The following ANAPC10 variants were observed in gnomAD, a reference collection of about 807,000 sequenced individuals.
ANAPC10 encodes anaphase promoting complex subunit 10, also known as anaphase-promoting complex subunit 10.
In ANAPC10, 12 loss-of-function variants were observed where a neutral mutation model predicts 22.0. The ratio of observed to expected loss-of-function variants is 0.55; its 90% CI spans 0.35 to 0.88. ANAPC10 has a LOEUF of 0.88. Ranked by LOEUF, ANAPC10 falls within the 40% of genes least tolerant of loss-of-function variation. The pLI is 0.01. For synonymous variants in ANAPC10, 65 were observed against 69.5 expected, an observed-to-expected ratio of 0.94 and a Z score of 0.32; for missense variants, 188 against 220.9, an observed-to-expected ratio of 0.85 and a Z score of 0.94.
chr4:145,095,245 T>C (rs988373690), intron 2 of ANAPC10, among the ~76,000 whole-genome samples: 2 of 152,202 alleles, frequency 1.3e-5, no homozygotes, highest in African/African-American at 4.8e-5. Flanking sequence ...TCAATCATGG[T>C]TCAAAATATT....
At chr4:145,008,298 T>A (rs780337564) in intron 4 of ANAPC10, among the ~76,000 whole-genome samples, 1 of 151,968 alleles carries the variant, frequency 6.6e-6, no homozygotes, top group African/African-American at 2.4e-5. Context: ...ACTATTCCAA[T>A]CAATAGAAAA....
chr4:145,007,427 A>G (rs1291709203), intron 4 of ANAPC10, among the ~76,000 whole-genome samples: 1 of 151,154 alleles, frequency 6.6e-6, no homozygotes, highest in Non-Finnish European at 1.5e-5. Context: ...AACAGAAATC[A>G]CAACAAACTG....
intron 4 of ANAPC10, among the ~76,000 whole-genome samples, chr4:144,996,112 A>G (rs1270505998): frequency 6.6e-6 from 1 of 152,226 alleles, no homozygotes; most frequent in Non-Finnish European, 1.5e-5. Flanking sequence ...TAGCTTGCCC[A>G]GGCAGGGAAC....
chr4:145,005,761 C>T (rs1733246695), intron 4 of ANAPC10, among the ~76,000 whole-genome samples: 2 of 152,054 alleles, frequency 1.3e-5, no homozygotes, highest in Admixed American at 1.3e-4. Flanking sequence ...CATGTAATTG[C>T]ATGGTTTTCA....
At chr4:145,023,968 A>G (rs1736307350) in intron 4 of ANAPC10, among the ~76,000 whole-genome samples, 1 of 152,182 alleles carries the variant, frequency 6.6e-6, no homozygotes, top group Non-Finnish European at 1.5e-5. Flanking sequence ...CCCTGCCATT[A>G]CTTTTTCAAC....
chr4:145,079,640 A>G (rs558953044), intron 3 of ANAPC10, among the ~76,000 whole-genome samples: 6 of 152,348 alleles, frequency 3.9e-5, no homozygotes, highest in African/African-American at 1.4e-4. Context: ...ATGCCCATCA[A>G]CAGTGGACTG....
At chr4:145,042,973 T>A (rs1232785418) in intron 4 of ANAPC10, among the ~76,000 whole-genome samples, 1 of 151,804 alleles carries the variant, frequency 6.6e-6, no homozygotes, top group African/African-American at 2.4e-5. Flanking sequence ...ATGTAATTTA[T>A]AACCATTACA....
At chr4:145,010,826 AAAAT>A (rs1240938502) in intron 4 of ANAPC10, among the ~76,000 whole-genome samples, 2 of 152,140 alleles carry the variant, frequency 1.3e-5, no homozygotes, top group South Asian at 2.1e-4. Context: ...AATATAATAA[AAAAT>A]AAATAAATAA....
chr4:145,049,636 A>T (rs1315645571), intron 4 of ANAPC10, among the ~76,000 whole-genome samples: 1 of 151,774 alleles, frequency 6.6e-6, no homozygotes, highest in Admixed American at 6.6e-5. Flanking sequence ...CTGAAGTGCA[A>T]TGGCATGATC....
At chr4:145,029,945 C>T (rs559600125) in intron 4 of ANAPC10, among the ~76,000 whole-genome samples, 194 of 152,254 alleles carry the variant, frequency 1.3e-3, no homozygotes, top group African/African-American at 4.1e-3. Context: ...ATGAGAACCA[C>T]GGTCACTCAA....
chr4:145,078,329 G>T (rs1333006836), intron 3 of ANAPC10, among the ~76,000 whole-genome samples: 1 of 149,692 alleles, frequency 6.7e-6, no homozygotes, highest in Non-Finnish European at 1.5e-5. Context: ...GGAGGCAAAA[G>T]ATCTCTACAA....
chr4:145,031,569 T>C (rs2127058015), intron 4 of ANAPC10, among the ~76,000 whole-genome samples: 1 of 152,322 alleles, frequency 6.6e-6, no homozygotes. Context: ...CCTGAAAGGC[T>C]GACAGTTTTG....
chr4:145,080,177 T>C (rs34422448), intron 3 of ANAPC10, among the ~76,000 whole-genome samples: 983 of 79,600 alleles, frequency 0.012, 7 homozygotes, highest in South Asian at 0.048. Context: ...TAGGGAACAA[T>C]AGACATGGGT....
intron 4 of ANAPC10, among the ~76,000 whole-genome samples, chr4:145,059,558 T>TA (rs1462475539): frequency 6.6e-6 from 1 of 152,122 alleles, no homozygotes; most frequent in African/African-American, 2.4e-5. Context: ...TTAGAAGCAA[T>TA]AAACCAAAGG....
chr4:145,026,959 A>AGTG (rs1736798372), intron 4 of ANAPC10, among the ~76,000 whole-genome samples: 1 of 9,920 alleles, frequency 1.0e-4, no homozygotes, highest in African/African-American at 3.9e-4. Context: ...GTGTGTGTGT[A>AGTG]TATATATATA....
At chr4:145,098,224 C>G (rs1317399540), upstream of ANAPC10, 1 of 152,402 alleles carries the variant, frequency 6.6e-6, no homozygotes, top group Non-Finnish European at 1.5e-5. Flanking sequence ...GACGTCATAT[C>G]TCCCTACCTA....
chr4:145,002,572 C>T (rs1390383792), intron 4 of ANAPC10, among the ~76,000 whole-genome samples: 1 of 151,974 alleles, frequency 6.6e-6, no homozygotes, highest in East Asian at 1.9e-4. Context: ...AAAAAAGACG[C>T]ATAACAAAAG....
intron 4 of ANAPC10, among the ~76,000 whole-genome samples, chr4:145,046,998 T>G (rs1179264805): frequency 6.6e-6 from 1 of 152,116 alleles, no homozygotes; most frequent in Non-Finnish European, 1.5e-5. Context: ...GGGCGTAAAG[T>G]TATATTGACT....
chr4:145,091,064 A>G (rs1747606078), intron 2 of ANAPC10, among the ~76,000 whole-genome samples: 1 of 152,246 alleles, frequency 6.6e-6, no homozygotes. Context: ...TTTCACTGAT[A>G]GACTCAAAGC....
Sources: allele counts gnomAD v4.1 joint callset (sites outside exome capture counted in the v4.1 genomes callset), GRCh38; gene constraint gnomAD v4.1.1; transcripts MANE v1.5; gene names NCBI Gene and HGNC (gene_info 2026-07-23, HGNC 2026-07-21).